TMPRSS6: variants seen among roughly 807,000 people sequenced by gnomAD.
TMPRSS6 encodes transmembrane serine protease 6, also known as transmembrane protease serine 6.
A neutral mutation model predicts 101.5 loss-of-function variants in TMPRSS6; 67 were observed. That is an observed-to-expected ratio of 0.66 (90% CI 0.54 to 0.81). TMPRSS6 has a LOEUF of 0.81. Ranked by LOEUF, TMPRSS6 falls within the 30% of genes least tolerant of loss-of-function variation. The probability of loss-of-function intolerance (pLI) is 0.00; values close to 1 mark genes in which losing one functional copy is unlikely to be tolerated. For synonymous variants in TMPRSS6, 453 were observed against 464.9 expected, an observed-to-expected ratio of 0.97 and a Z score of 0.33; for missense variants, 1,034 against 1,088.7, an observed-to-expected ratio of 0.95 and a Z score of 0.71.
At position 37,084,831 on chromosome 22, in the gene TMPRSS6, C is replaced by T; in HGVS notation, c.982G>A (p.Val328Met). The change falls in exon 9 of 18, where the codon GTG becomes ATG. Residue 328 changes from valine (V) to methionine (M), a missense_variant. Physicochemically the swap from Val to Met is conservative, Grantham distance 21. Coordinates refer to ENST00000676104, the MANE Select transcript of TMPRSS6 (RefSeq NM_001374504.1). ...VQPVVFQACE[V>M]NLTLDNRLDS... ...AGCCTGTTGTCCAGCGTCAGGTTCA[C>T]TTCACAGGCTGGACCAGGAGAGCAG... 1.3e-6 allele frequency: 2 copies of T among 1,553,278 alleles called. No individual in the cohort carries two copies. The highest frequency in any genetic ancestry group is 1.7e-6 in the Non-Finnish European group (2 of 1,147,910).
chr22:37,078,957 G>GAA (rs1230714972), intron 10 of TMPRSS6, among the ~76,000 whole-genome samples: 23,680 of 100,192 alleles, frequency 0.24, 2,925 homozygotes, highest in African/African-American at 0.3. Flanking sequence ...AGGAGAAAAA[G>GAA]AGAAAGAAAG....
intron 1 of TMPRSS6, among the ~76,000 whole-genome samples, chr22:37,104,675 C>T (rs1930600671): frequency 6.6e-6 from 1 of 152,134 alleles, no homozygotes; most frequent in African/African-American, 2.4e-5. Flanking sequence ...AAAATGCACC[C>T]CAGGGCCGGG....
At chr22:37,095,769 C>T in intron 5 of TMPRSS6, 137 bp downstream of exon 5, 1 of 1,278,100 alleles carries the variant, frequency 7.8e-7, no homozygotes, top group South Asian at 1.3e-5. Flanking sequence ...GGCACTGCTA[C>T]CTCACCTGGG....
chr22:37,095,458 C>T, intron 6 of TMPRSS6, 93 bp downstream of exon 6: 2 of 1,517,348 alleles, frequency 1.3e-6, no homozygotes, highest in Non-Finnish European at 1.8e-6. Flanking sequence ...CCTGCACACA[C>T]AACAGAAGCC....
intron 1 of TMPRSS6, among the ~76,000 whole-genome samples, chr22:37,107,208 G>A (rs1930769839): frequency 6.6e-6 from 1 of 152,164 alleles, no homozygotes; most frequent in East Asian, 1.9e-4. Flanking sequence ...TGGGGTCCCA[G>A]GTTCAATGCT....
rs1489125295 is a variant in TMPRSS6 at position 37,066,876 on chromosome 22, G to T, written c.2200C>A (p.Pro734Thr). 6.2e-7 allele frequency: 1 copy of T among 1,614,052 alleles called. No individual in the cohort carries two copies. Among genetic ancestry groups the T allele is most frequent in the Admixed American group, 1.7e-5 (1 of 60,006 alleles). Residue 734 changes from proline (P) to threonine (T), a missense_variant, in exon 17 of 18, where the codon CCA becomes ACA. By Grantham distance (38) the Pro-to-Thr change is conservative. Coordinates refer to ENST00000676104, the MANE Select transcript of TMPRSS6 (RefSeq NM_001374504.1). ...CSEVYRYQVT[P>T]RMLCAGYRKG... is the part of the protein sequence containing the mutation. ...CGGTAGCCGGCACACAGCATGCGTG[G>T]CGTCACCTGGTAGCGATAGACCTCG...
Position 37,095,610 on chromosome 22 carries a change from A to G in TMPRSS6, c.590-18T>C. On this transcript the variant is annotated intron_variant, in intron 5 of 17. Transcript: ENST00000676104. ...ACTGGCTTCTGATAAAAGGAAATGAACAAACAAATAAACAAGAACAAAAAA... is the reference window on the plus strand; with the variant it reads ...ACTGGCTTCTGATAAAAGGAAATGAGCAAACAAATAAACAAGAACAAAAAA... The G allele has an allele frequency of 6.3e-7, 1 of 1,594,926 alleles. No homozygotes were observed. Among genetic ancestry groups the G allele is most frequent in the Non-Finnish European group, 8.5e-7 (1 of 1,173,090 alleles).
Position 37,066,357 on chromosome 22 carries a change from C to T in TMPRSS6, c.2251-119G>A, listed in dbSNP as rs112295672. 5 of 1,087,824 alleles carry T rather than the reference C, an allele frequency of 4.6e-6. No homozygotes were observed. In the African/African-American group the frequency reaches 7.9e-5, roughly 17 times the overall value. 67.4% of individuals were successfully genotyped at this position (1,087,824 alleles called of 1,614,324 possible). A position where few individuals can be genotyped will look rare whatever the true frequency, so the allele number is the denominator to read the frequency against. On this transcript the variant is annotated intron_variant, in intron 17 of 17. Coordinates refer to ENST00000676104, the MANE Select transcript of TMPRSS6 (RefSeq NM_001374504.1). ...ATTGACTGGGTGCCAGAGTCACGTT[C>T]AGTCTTAAAGCTCTGCTTTCCCCTC...
intron 6 of TMPRSS6, among the ~76,000 whole-genome samples, chr22:37,093,384 CTTTTTTTTTTT>C (rs67659825): frequency 3.6e-5 from 3 of 82,544 alleles, no homozygotes; most frequent in Non-Finnish European, 6.6e-5. Flanking sequence ...TTCTTTCTTT[CTTTTTTTTTTT>C]TTTTTTTTTT....
chr22:37,070,938 G>A lies in TMPRSS6; in HGVS notation c.1650C>T (p.Asp550=), dbSNP rs146738745. The A allele has an allele frequency of 5.6e-5, 91 of 1,613,216 alleles. No homozygotes were observed. The highest frequency in any genetic ancestry group is 4.7e-4 in the South Asian group (43 of 91,070). The change falls in exon 14 of 18, where the codon GAC becomes GAT. Residue 550 remains aspartate (D), a synonymous_variant. Coordinates refer to ENST00000676104, the MANE Select transcript of TMPRSS6 (RefSeq NM_001374504.1). The part of the protein sequence containing the change: ...PQCDGRPDCR[D]GSDEEHCDCG... ...CACCACAGTGCTCCTCATCCGAGCCGTCCCTGCAGTCGGGCCGCCCATCAC... is the reference window on the plus strand; with the variant it reads ...CACCACAGTGCTCCTCATCCGAGCCATCCCTGCAGTCGGGCCGCCCATCAC...
intron 10 of TMPRSS6, among the ~76,000 whole-genome samples, chr22:37,077,439 C>A (rs1441008701): frequency 6.6e-6 from 1 of 152,234 alleles, no homozygotes; most frequent in Admixed American, 6.5e-5. Flanking sequence ...CACCAACCAG[C>A]AGTTCTCAAA....
intron 10 of TMPRSS6, among the ~76,000 whole-genome samples, chr22:37,077,787 T>G (rs1927801222): frequency 6.6e-6 from 1 of 152,244 alleles, no homozygotes; most frequent in Admixed American, 6.5e-5. Flanking sequence ...TAATAAACAT[T>G]TTAAAATTTT....
At chr22:37,074,495 G>T in intron 12 of TMPRSS6, 115 bp downstream of exon 12, 1 of 1,001,378 alleles carries the variant, frequency 1.0e-6, no homozygotes, top group Non-Finnish European at 1.5e-6. Flanking sequence ...CTTCCTGGGT[G>T]CTCATAATGG....
In TMPRSS6 at chr22:37,068,673, C is replaced by A. The variant is rs755292788; in HGVS notation, c.2113+400G>T. ...CCATAAAATAGGGCCACAGCATCCG[C>A]CCGTAGGGCTGTTGGGTGGATTATA... On this transcript the variant is annotated intron_variant, in intron 16 of 17. Transcript: ENST00000676104. The A allele has an allele frequency of 6.2e-5, 48 of 779,596 alleles. 1 individual carries two copies. Among genetic ancestry groups the A allele is most frequent in the Non-Finnish European group, 8.1e-5 (34 of 417,998 alleles). 48.3% of individuals were successfully genotyped at this position (779,596 alleles called of 1,614,324 possible).
intron 13 of TMPRSS6, among the ~76,000 whole-genome samples, chr22:37,073,175 G>A (rs1927300147): frequency 6.6e-6 from 1 of 151,478 alleles, no homozygotes. Flanking sequence ...TGGATGGATG[G>A]ATGGATGGAT....
At chr22:37,093,736 T>A (rs1463675439) in intron 6 of TMPRSS6, among the ~76,000 whole-genome samples, 1 of 150,926 alleles carries the variant, frequency 6.6e-6, no homozygotes, top group Non-Finnish European at 1.5e-5. Flanking sequence ...AAAAATGGCC[T>A]ATGGAGCCAG....
intron 6 of TMPRSS6, among the ~76,000 whole-genome samples, chr22:37,090,825 A>G (rs923782201): frequency 2.0e-5 from 3 of 152,180 alleles, no homozygotes; most frequent in Admixed American, 1.3e-4. Context: ...GTAGGGGCTC[A>G]ATAAAGGCAG....
Position 37,103,244 on chromosome 22 carries a change from C to T in TMPRSS6, c.174G>A (p.Ser58=), listed in dbSNP as rs576542099. The part of the protein sequence containing the change: ...FVLLALLVLA[S]AGVLLWYFLG... Reference sequence around the variant, plus strand: ...GGAAATACCAGAGTAGCACCCCCGCCGAAGCCAGCACGAGCAGGGCCAGCA... The same window carrying T: ...GGAAATACCAGAGTAGCACCCCCGCTGAAGCCAGCACGAGCAGGGCCAGCA... The change falls in exon 2 of 18, where the codon TCG becomes TCA. Residue 58 remains serine (S), a synonymous_variant. Coordinates refer to ENST00000676104, the MANE Select transcript of TMPRSS6 (RefSeq NM_001374504.1). The surrounding 1 kb of genome is among the most constrained non-coding windows in gnomAD (Gnocchi z 4.4). The T allele has an allele frequency of 2.0e-5, 33 of 1,614,064 alleles. No homozygotes were observed. The highest frequency in any genetic ancestry group is 1.3e-4 in the South Asian group (12 of 91,084).
intron 1 of TMPRSS6, among the ~76,000 whole-genome samples, chr22:37,107,268 G>A (rs904019980): frequency 6.6e-6 from 1 of 152,148 alleles, no homozygotes; most frequent in African/African-American, 2.4e-5. Flanking sequence ...GCTCTGTGGT[G>A]GCGACAGGGT....
Sources: gnomAD v4.1 joint callset for allele counts (sites outside exome capture counted in the v4.1 genomes callset) on GRCh38, gnomAD v4.1.1 for gene constraint, Gnocchi (gnomAD v3.1) non-coding constraint, MANE v1.5 for transcripts, NCBI Gene and HGNC (gene_info 2026-07-23, HGNC 2026-07-21) for gene names.